Variants in GLG1 observed in about 807,000 individuals in gnomAD.
The protein encoded by GLG1 is Golgi apparatus protein 1.
A neutral mutation model predicts 160.5 loss-of-function variants in GLG1; 38 were observed. The ratio of observed to expected loss-of-function variants is 0.24; its 90% CI spans 0.18 to 0.31. The LOEUF (loss-of-function observed/expected upper bound fraction) is 0.31. Among genes scored for constraint, GLG1 ranks in the 10% least tolerant of loss-of-function variants. The pLI, the probability that GLG1 is intolerant of heterozygous loss-of-function variation, is 1.00. For synonymous variants in GLG1, 644 were observed against 543.4 expected, an observed-to-expected ratio of 1.19 and a Z score of -2.57; for missense variants, 1,373 against 1,505.2, an observed-to-expected ratio of 0.91 and a Z score of 1.45.
intron 1 of GLG1, among the ~76,000 whole-genome samples, chr16:74,558,102 C>G (rs751587143): frequency 6.6e-6 from 1 of 152,148 alleles, no homozygotes; most frequent in African/African-American, 2.4e-5. Flanking sequence ...TCAACTTTCA[C>G]AGTCTGATTT....
chr16:74,543,269 G>C (rs759803743), intron 1 of GLG1, among the ~76,000 whole-genome samples: 12 of 152,248 alleles, frequency 7.9e-5, no homozygotes, highest in Non-Finnish European at 1.6e-4. Context: ...CAAAGAAAGA[G>C]ACCAGGGCTA....
intron 2 of GLG1, among the ~76,000 whole-genome samples, chr16:74,524,625 T>G (rs2017280571): frequency 6.6e-6 from 1 of 152,070 alleles, no homozygotes; most frequent in African/African-American, 2.4e-5. Context: ...ATGCTTCAAA[T>G]GAATACAAAG....
At chr16:74,466,935 A>C (rs772333728) in intron 18 of GLG1, among the ~76,000 whole-genome samples, 3 of 152,220 alleles carry the variant, frequency 2.0e-5, no homozygotes, top group Non-Finnish European at 2.9e-5. Flanking sequence ...AAGGAAGGAA[A>C]GGGAAAGCAG....
At chr16:74,472,875 C>T (rs1475966970) in intron 13 of GLG1, 2 of 259,808 alleles carry the variant, frequency 7.7e-6, no homozygotes, top group Admixed American at 1.0e-4. Flanking sequence ...AAGAGAGAAA[C>T]CCGTGCAACA....
chr16:74,487,808 T>C (rs2015846190), intron 8 of GLG1, among the ~76,000 whole-genome samples: 1 of 152,158 alleles, frequency 6.6e-6, no homozygotes, highest in Non-Finnish European at 1.5e-5. Context: ...GAATGCCCTC[T>C]AGAGCCTAGT....
chr16:74,603,406 C>T (rs1968617482), intron 1 of GLG1, among the ~76,000 whole-genome samples: 1 of 78,280 alleles, frequency 1.3e-5, no homozygotes, highest in South Asian at 5.6e-4. Context: ...AAGACTCCGT[C>T]TCAAAAAAAA....
chr16:74,458,715 A>G (rs2014660521), intron 23 of GLG1, among the ~76,000 whole-genome samples: 1 of 152,186 alleles, frequency 6.6e-6, no homozygotes, highest in Non-Finnish European at 1.5e-5. Flanking sequence ...AGATAAAGGC[A>G]CATTTGTTTA....
intron 1 of GLG1, among the ~76,000 whole-genome samples, chr16:74,542,750 G>GAAGGAAGGAAGGA (rs2017923183): frequency 9.6e-5 from 2 of 20,942 alleles, no homozygotes; most frequent in African/African-American, 3.6e-4. Context: ...AGGAAGGAAG[G>GAAGGAAGGAAGGA]AAGGAAGGAA....
At chr16:74,530,382 T>A (rs1443124245) in intron 2 of GLG1, among the ~76,000 whole-genome samples, 1 of 146,612 alleles carries the variant, frequency 6.8e-6, no homozygotes, top group Non-Finnish European at 1.6e-5. Flanking sequence ...TTCAGCCAAC[T>A]TCTTCTGCAG....
intron 1 of GLG1, among the ~76,000 whole-genome samples, chr16:74,596,135 C>T (rs1421705609): frequency 6.6e-6 from 1 of 152,090 alleles, no homozygotes; most frequent in Admixed American, 6.6e-5. Context: ...AATTCCTTTA[C>T]CCAGAGGATT....
Position 74,532,128 on chromosome 16 carries a change from C to A in GLG1, c.464G>T (p.Cys155Phe). The stretch of plus-strand genomic sequence containing the variant: ...CAGAAAATCCATACTTACATGATTG[C>A]AGTCTGAAGAAATTTCATTTTCAGG... ...REPENEISSD[C>F]NHLLWNYKLN... The change falls in exon 2 of 26, where the codon TGC (cysteine) becomes TTC (phenylalanine). Residue 155 changes from cysteine (C) to phenylalanine (F), a missense_variant. This residue lies in a region of GLG1 where 322 missense variants were observed against 254.6 expected (regional missense o/e 1.26). Coordinates refer to ENST00000422840, the MANE Select transcript of GLG1 (RefSeq NM_001145667.2). The A allele has an allele frequency of 1.4e-6, 2 of 1,386,784 alleles. No homozygotes were observed. Among genetic ancestry groups the A allele is most frequent in the South Asian group, 1.9e-5 (1 of 53,992 alleles). The allele number at this position is 1,386,784 out of a possible 1,614,324, so 85.9% of individuals were successfully genotyped here.
At chr16:74,467,330 G>A (rs1159706926) in intron 18 of GLG1, among the ~76,000 whole-genome samples, 3 of 152,138 alleles carry the variant, frequency 2.0e-5, no homozygotes, top group South Asian at 2.1e-4. Flanking sequence ...ATAGGGTCCT[G>A]CTTCTGTCTA....
At chr16:74,523,216 C>G (rs2017226070) in intron 2 of GLG1, among the ~76,000 whole-genome samples, 1 of 152,198 alleles carries the variant, frequency 6.6e-6, no homozygotes, top group Non-Finnish European at 1.5e-5. Flanking sequence ...AGAAATTTTA[C>G]TGTTTTACTT....
At position 74,607,070 on chromosome 16, in the gene GLG1, T is replaced by G; in HGVS notation, c.25A>C (p.Arg9=). Residue 9 remains arginine (R), a synonymous_variant, in exon 1 of 26, where the codon AGG becomes CGG. Transcript: ENST00000422840. The part of the protein sequence containing the change: MAACGRVR[R]MFRLSAALHL... ...AGCGCCGCCGACAAGCGGAACATCC[T>G]CCGTACACGTCCACACGCCGCCATC... 4 of 1,569,180 alleles carry G rather than the reference T, an allele frequency of 2.5e-6. No homozygotes were observed. The highest frequency in any genetic ancestry group is 3.5e-6 in the Non-Finnish European group (4 of 1,158,774).
At chr16:74,485,199 A>C (rs906797630) in intron 9 of GLG1, among the ~76,000 whole-genome samples, 19 of 152,238 alleles carry the variant, frequency 1.2e-4, no homozygotes, top group Admixed American at 1.2e-3. Context: ...GAGCTACTGC[A>C]TCCGGCCATG....
At chr16:74,569,320 G>A (rs778888626) in intron 1 of GLG1, among the ~76,000 whole-genome samples, 18 of 152,302 alleles carry the variant, frequency 1.2e-4, no homozygotes, top group South Asian at 2.1e-4. Flanking sequence ...CATCATAAAC[G>A]ATAATCAGCA....
intron 2 of GLG1, among the ~76,000 whole-genome samples, chr16:74,524,977 T>A (rs2017290236): frequency 6.6e-6 from 1 of 152,224 alleles, no homozygotes; most frequent in African/African-American, 2.4e-5. Context: ...GTAACATGTA[T>A]TAGTACTTCA....
intron 1 of GLG1, among the ~76,000 whole-genome samples, chr16:74,556,887 G>A (rs2018369889): frequency 1.3e-5 from 2 of 151,604 alleles, no homozygotes; most frequent in African/African-American, 4.8e-5. Flanking sequence ...TATGTAGGCT[G>A]ATAAGAACAA....
chr16:74,566,720 A>G (rs920352277), intron 1 of GLG1, among the ~76,000 whole-genome samples: 25 of 152,146 alleles, frequency 1.6e-4, no homozygotes, highest in African/African-American at 6.0e-4. Flanking sequence ...GTATAATTTT[A>G]GTAGCATTAC....
Sources: gnomAD v4.1 joint callset for allele counts (sites outside exome capture counted in the v4.1 genomes callset) on GRCh38, gnomAD v4.1.1 for gene constraint, gnomAD v4.1.1 regional missense constraint, MANE v1.5 for transcripts, NCBI Gene and HGNC (gene_info 2026-07-23, HGNC 2026-07-21) for gene names.